NWD1: variants seen among roughly 807,000 people sequenced by gnomAD.
NWD1 encodes the protein NACHT domain- and WD repeat-containing protein 1.
Under a neutral mutation model 135.1 loss-of-function variants are expected in NWD1, and 129 were observed. The ratio of observed to expected loss-of-function variants is 0.96; its 90% CI spans 0.83 to 1.11. The LOEUF (loss-of-function observed/expected upper bound fraction) is 1.11, where lower values mean the gene tolerates loss of function less well. Among genes scored for constraint, NWD1 ranks in the 50% least tolerant of loss-of-function variants. The pLI is 0.00. For synonymous variants in NWD1, 773 were observed against 786.0 expected (o/e 0.98, Z 0.28); for missense variants, 1,740 against 1,851.3 (o/e 0.94, Z 1.10).
chr19:16,814,887 T>C (rs1471787734), intron 18 of NWD1, 141 bp from the exon 19 acceptor site: 6 of 670,954 alleles, frequency 8.9e-6, no homozygotes, highest in Admixed American at 2.8e-5. Context: ...GAAGAGGGAC[T>C]CTTTGGCATA....
intron 5 of NWD1, among the ~76,000 whole-genome samples, chr19:16,745,356 CA>C (rs1198354341): frequency 3.3e-5 from 5 of 151,948 alleles, no homozygotes; most frequent in South Asian, 2.1e-4. Flanking sequence ...CAAACCATAT[CA>C]GGGGGAGCAA....
rs536357917 is a variant in NWD1, at chr19:16,741,089, G to A, written c.199-3332G>A. 7.9e-5 allele frequency among the ~76,000 whole-genome samples: 12 copies of A among 152,256 alleles called. No homozygotes were observed. In the South Asian group the frequency reaches 2.1e-3, roughly 26 times the overall value. ...GCAGGAGAATCACTTGAATCTGGGA[G>A]GCAGAGGTTGCAGTGAGCCAAGATT... is the stretch of plus-strand genomic sequence containing the variant. On this transcript the variant is annotated intron_variant, in intron 4 of 18. Transcript: ENST00000524140.
intron 6 of NWD1, among the ~76,000 whole-genome samples, chr19:16,752,714 C>T (rs543107654): frequency 2.6e-5 from 4 of 152,032 alleles, no homozygotes; most frequent in Admixed American, 6.6e-5. Context: ...AGTACAAATA[C>T]GGCGTGGTGT....
intron 3 of NWD1, among the ~76,000 whole-genome samples, chr19:16,734,881 C>T (rs1413823940): frequency 6.6e-6 from 1 of 151,982 alleles, no homozygotes; most frequent in Non-Finnish European, 1.5e-5. Context: ...CCACTTTGCC[C>T]TGCCTCTGTT....
intron 10 of NWD1, among the ~76,000 whole-genome samples, chr19:16,765,643 T>A (rs1322117692): frequency 6.6e-6 from 1 of 152,082 alleles, no homozygotes; most frequent in Non-Finnish European, 1.5e-5. Context: ...TGGCCTAGAA[T>A]TTTAAATTGA....
intron 15 of NWD1, among the ~76,000 whole-genome samples, chr19:16,795,741 T>C (rs1036180346): frequency 6.6e-6 from 1 of 152,122 alleles, no homozygotes; most frequent in Non-Finnish European, 1.5e-5. Flanking sequence ...AGTTCCACCA[T>C]CTGCAACCCA....
intron 15 of NWD1, among the ~76,000 whole-genome samples, chr19:16,795,095 T>A (rs1034298407): frequency 6.6e-6 from 1 of 152,238 alleles, no homozygotes; most frequent in Admixed American, 6.5e-5. Context: ...TTTCTTTCCT[T>A]TTGATGCAGG....
At chr19:16,793,318 C>T (rs1026091246) in intron 14 of NWD1, among the ~76,000 whole-genome samples, 1 of 152,060 alleles carries the variant, frequency 6.6e-6, no homozygotes, top group Non-Finnish European at 1.5e-5. Context: ...CCTGCAGCCT[C>T]GACCTCCCGG....
intron 7 of NWD1, 150 bp from the exon 8 acceptor site, chr19:16,761,829 G>T (rs1599484033): frequency 1.9e-6 from 1 of 540,522 alleles, no homozygotes. Context: ...GACCAATTTA[G>T]AGATAGATGT....
chr19:16,786,893 C>T (rs1014468681), intron 12 of NWD1, among the ~76,000 whole-genome samples: 10 of 152,070 alleles, frequency 6.6e-5, no homozygotes, highest in African/African-American at 1.7e-4. Context: ...TTCCCCAGAG[C>T]GCCATCCTCA....
chr19:16,743,657 T>C (rs1251168496), intron 4 of NWD1, among the ~76,000 whole-genome samples: 1 of 144,730 alleles, frequency 6.9e-6, no homozygotes, highest in African/African-American at 2.9e-5. Context: ...ACCATACATA[T>C]TTATTTATTT....
chr19:16,761,438 A>C (rs1599483543), intron 7 of NWD1, among the ~76,000 whole-genome samples: 1 of 149,356 alleles, frequency 6.7e-6, no homozygotes, highest in Non-Finnish European at 1.5e-5. Flanking sequence ...GTGCAGTGGC[A>C]CCACCTCAGC....
chr19:16,778,494 CTTT>C (rs11307621), intron 11 of NWD1, among the ~76,000 whole-genome samples: 3 of 107,564 alleles, frequency 2.8e-5, no homozygotes, highest in African/African-American at 9.5e-5. Flanking sequence ...TCTTCTTCTT[CTTT>C]TTTTTTTTTT....
At chr19:16,781,338 C>T (rs1222127586) in intron 12 of NWD1, among the ~76,000 whole-genome samples, 3 of 152,118 alleles carry the variant, frequency 2.0e-5, no homozygotes, top group South Asian at 2.1e-4. Flanking sequence ...GCTAAGACTA[C>T]AGTTGGCTGG....
Position 16,744,644 on chromosome 19 carries a change from T to C in NWD1, c.422T>C (p.Leu141Pro), listed in dbSNP as rs552832669. The C allele has an allele frequency of 9.6e-5, 147 of 1,535,774 alleles. No homozygotes were observed. In the African/African-American group the frequency reaches 1.8e-3, roughly 19 times the overall value. Residue 141 changes from leucine (L) to proline (P), a missense_variant, in exon 5 of 19, where the codon CTA becomes CCA. By Grantham distance (98) the Leu-to-Pro change is moderately conservative. Transcript: ENST00000524140. Reference sequence around the variant, plus strand: ...GAGGAGGCCACCTTAACTTCTGTCCTACGCTCTGGAGCCCAGGAGGCCCGG... The same window carrying C: ...GAGGAGGCCACCTTAACTTCTGTCCCACGCTCTGGAGCCCAGGAGGCCCGG... ...EPEEATLTSV[L>P]RSGAQEARRL...
Position 16,762,148 on chromosome 19 carries a change from C to T in NWD1, c.2133+10C>T, listed in dbSNP as rs12460949. On this transcript the variant is annotated intron_variant, in intron 8 of 18. Coordinates refer to ENST00000524140, the MANE Select transcript of NWD1 (RefSeq NM_001007525.5). ...GAACTTGGACCGAAAGGTGAGGTAC[C>T]TGGGACCCCCATTCCCCACCTGCAA... is the stretch of plus-strand genomic sequence containing the variant. The T allele has an allele frequency of 6.2e-7, 1 of 1,609,292 alleles. No individual in the cohort carries two copies. Among genetic ancestry groups the T allele is most frequent in the South Asian group, 1.1e-5 (1 of 90,856 alleles).
At chr19:16,801,209 G>A (rs1250752229) in intron 17 of NWD1, among the ~76,000 whole-genome samples, 4 of 152,028 alleles carry the variant, frequency 2.6e-5, no homozygotes, top group Non-Finnish European at 4.4e-5. Context: ...AACCTGGGAG[G>A]CAGAGGTTGC....
At chr19:16,735,192 A>G (rs1391055228) in intron 3 of NWD1, among the ~76,000 whole-genome samples, 4 of 152,150 alleles carry the variant, frequency 2.6e-5, no homozygotes, top group East Asian at 1.9e-4. Flanking sequence ...ACAACCAACT[A>G]TGTTGTTACA....
intron 6 of NWD1, among the ~76,000 whole-genome samples, chr19:16,753,836 T>G (rs1968674497): frequency 7.2e-6 from 1 of 139,294 alleles, no homozygotes; most frequent in African/African-American, 2.6e-5. Flanking sequence ...CTATCATCCA[T>G]CCATCCATCC....
Sources: gnomAD v4.1 joint callset for allele counts (sites outside exome capture counted in the v4.1 genomes callset) on GRCh38, gnomAD v4.1.1 for gene constraint, MANE v1.5 for transcripts, NCBI Gene and HGNC (gene_info 2026-07-23, HGNC 2026-07-21) for gene names.